The following SLC9A2 variants were observed in gnomAD, a reference collection of about 807,000 sequenced individuals.
SLC9A2 encodes sodium/hydrogen exchanger 2.
In SLC9A2, 42 loss-of-function variants were observed where a neutral mutation model predicts 71.7. The ratio of observed to expected loss-of-function variants is 0.59; its 90% CI spans 0.46 to 0.76. The LOEUF (loss-of-function observed/expected upper bound fraction) is 0.76, where lower values mean the gene tolerates loss of function less well. Among genes scored for constraint, SLC9A2 ranks in the 30% least tolerant of loss-of-function variants. SLC9A2 has a pLI of 0.00. For synonymous variants in SLC9A2, 396 were observed against 392.5 expected (o/e 1.01, Z -0.10); for missense variants, 829 against 1,017.4 (o/e 0.81, Z 2.52).
At position 102,665,216 on chromosome 2, in the gene SLC9A2, C is replaced by A. The variant is rs373377407; in HGVS notation, c.870C>A (p.Ile290=). The part of the protein sequence containing the change: ...VVGIGGVLIG[I]FLGFIAAFTT... ...GAATCGGTGGGGTGCTGATTGGCAT[C>A]TTCTTGGGCTTTATAGCGGCATTTA... The change falls in exon 3 of 12, where the codon ATC becomes ATA. Residue 290 remains isoleucine (I), a synonymous_variant. Coordinates refer to ENST00000233969, the MANE Select transcript of SLC9A2 (RefSeq NM_003048.6). 3.7e-6 allele frequency: 6 copies of A among 1,614,008 alleles called. No individual in the cohort carries two copies. Among genetic ancestry groups the A allele is most frequent in the Non-Finnish European group, 5.1e-6 (6 of 1,180,024 alleles).
At chr2:102,632,521 C>A (rs1401358122) in intron 1 of SLC9A2, among the ~76,000 whole-genome samples, 1 of 152,058 alleles carries the variant, frequency 6.6e-6, no homozygotes, top group Non-Finnish European at 1.5e-5. Flanking sequence ...CTGCAACAGT[C>A]CTGTGCATTG....
chr2:102,676,804 A>G, intron 3 of SLC9A2, among the ~76,000 whole-genome samples: 1 of 152,240 alleles, frequency 6.6e-6, no homozygotes, highest in East Asian at 1.9e-4. Context: ...ATCAATACAG[A>G]AAAAGCTTTT....
At chr2:102,681,232 C>A (rs1376889981) in intron 3 of SLC9A2, among the ~76,000 whole-genome samples, 1 of 152,174 alleles carries the variant, frequency 6.6e-6, no homozygotes, top group African/African-American at 2.4e-5. Context: ...AGGATTAAGT[C>A]TTCCACAGTG....
chr2:102,651,838 T>A (rs1430424276), intron 1 of SLC9A2, among the ~76,000 whole-genome samples: 1 of 152,246 alleles, frequency 6.6e-6, no homozygotes, highest in Admixed American at 6.5e-5. Context: ...TGGCTTCCCC[T>A]TTTTCTCGAT....
At chr2:102,707,157 C>T (rs1238742880) in intron 11 of SLC9A2, among the ~76,000 whole-genome samples, 1 of 152,138 alleles carries the variant, frequency 6.6e-6, no homozygotes, top group Non-Finnish European at 1.5e-5. Context: ...GTACTATGCT[C>T]ACTACTTGGG....
At chr2:102,632,033 T>TACACAC (rs1676367972) in intron 1 of SLC9A2, among the ~76,000 whole-genome samples, 1 of 76,932 alleles carries the variant, frequency 1.3e-5, no homozygotes, top group African/African-American at 6.0e-5. Flanking sequence ...TATATATATA[T>TACACAC]ATATACATAC....
chr2:102,632,027 TATATATATATAC>T (rs1402205725), intron 1 of SLC9A2, among the ~76,000 whole-genome samples: 24 of 76,964 alleles, frequency 3.1e-4, no homozygotes, highest in African/African-American at 1.1e-3. Context: ...TATATATATA[TATATATATATAC>T]ATACACACAC....
At chr2:102,621,705 A>G (rs994370653) in intron 1 of SLC9A2, among the ~76,000 whole-genome samples, 1 of 152,216 alleles carries the variant, frequency 6.6e-6, no homozygotes, top group African/African-American at 2.4e-5. Flanking sequence ...AGAGACGTGT[A>G]CACGCTGTGT....
chr2:102,659,762 A>T (rs1677017190), intron 2 of SLC9A2, among the ~76,000 whole-genome samples: 1 of 152,224 alleles, frequency 6.6e-6, no homozygotes, highest in African/African-American at 2.4e-5. Context: ...GAGACATTTT[A>T]TAACTCATTC....
chr2:102,702,281 A>G, intron 8 of SLC9A2, 125 bp from the exon 9 acceptor site: 1 of 577,710 alleles, frequency 1.7e-6, no homozygotes, highest in South Asian at 2.3e-5. Context: ...TAAGTTATTG[A>G]ATAATCCCTA....
In SLC9A2 at chr2:102,683,339, C is replaced by T. The variant is rs749984520; in HGVS notation, c.1083C>T (p.Tyr361=). The T allele has an allele frequency of 1.9e-6, 3 of 1,613,940 alleles. No homozygotes were observed. The highest frequency in any genetic ancestry group is 2.5e-6 in the Non-Finnish European group (3 of 1,179,902). ...AGAAATCCTACACGACCATCAAGTA[C>T]TTCATGAAGATGCTGAGCAGTGTCA... is the stretch of plus-strand genomic sequence containing the variant. ...VSQKSYTTIK[Y]FMKMLSSVSE... Residue 361 remains tyrosine, a synonymous_variant, in exon 4 of 12, where the codon TAC becomes TAT. Transcript: ENST00000233969.
chr2:102,626,151 A>C lies in SLC9A2; in HGVS notation c.289+6014A>C, dbSNP rs534410592. ...CCAAAGGAACAAAGCTGGAGGCATC[A>C]CGCTACCTGACTTCAAACTATACTG... On this transcript the variant is annotated intron_variant, in intron 1 of 11. Transcript: ENST00000233969. 1.1e-3 allele frequency among the ~76,000 whole-genome samples: 160 copies of C among 152,296 alleles called. 1 individual carries two copies. Among genetic ancestry groups the C allele is most frequent in the African/African-American group, 3.6e-3 (148 of 41,564 alleles).
intron 1 of SLC9A2, among the ~76,000 whole-genome samples, chr2:102,649,403 C>A (rs1676789643): frequency 6.6e-6 from 1 of 152,194 alleles, no homozygotes; most frequent in Non-Finnish European, 1.5e-5. Context: ...CCATTCAGGA[C>A]ATAGGCATGG....
At position 102,619,658 on chromosome 2, in the gene SLC9A2, G is replaced by A. The variant is rs1398687776; in HGVS notation, c.-191G>A. On this transcript the variant is annotated 5_prime_UTR_variant, in exon 1 of 12. Transcript: ENST00000233969. This position sits in a 1 kb window ranked among gnomAD's most constrained non-coding sequence, Gnocchi z 4.3. ...TCGTCGCCCTGCACGTGCCTCGCCA[G>A]GCAGTGCGCCTGCTCGCAGCGAGGA... The A allele has an allele frequency of 1.9e-5, 9 of 471,900 alleles. No individual in the cohort carries two copies. Among genetic ancestry groups the A allele is most frequent in the African/African-American group, 2.0e-5 (1 of 48,974 alleles). 29.2% of individuals were successfully genotyped at this position (471,900 alleles called of 1,614,324 possible). A position where few individuals can be genotyped will look rare whatever the true frequency, so the allele number is the denominator to read the frequency against.
intron 1 of SLC9A2, among the ~76,000 whole-genome samples, chr2:102,637,586 A>G (rs1234275638): frequency 6.6e-6 from 1 of 152,144 alleles, no homozygotes; most frequent in African/African-American, 2.4e-5. Flanking sequence ...AGCTGCCTCC[A>G]GTGAAAAAGA....
At chr2:102,700,146 G>A (rs1306668765) in intron 7 of SLC9A2, among the ~76,000 whole-genome samples, 2 of 152,140 alleles carry the variant, frequency 1.3e-5, no homozygotes, top group African/African-American at 4.8e-5. Context: ...TGAGATGGGA[G>A]GACTCTGGCA....
At chr2:102,692,247 C>T (rs1261269889) in intron 5 of SLC9A2, among the ~76,000 whole-genome samples, 1 of 152,156 alleles carries the variant, frequency 6.6e-6, no homozygotes, top group Non-Finnish European at 1.5e-5. Flanking sequence ...AATCAGTTCA[C>T]ACTTCAGAAA....
intron 8 of SLC9A2, 74 bp from the exon 9 acceptor site, chr2:102,702,332 T>C (rs41280605): frequency 3.5e-4 from 292 of 823,104 alleles, no homozygotes; most frequent in East Asian, 1.9e-3. Context: ...TAAATACTTA[T>C]ATCTCTAAGG....
At chr2:102,670,814 T>G (rs1677234300) in intron 3 of SLC9A2, among the ~76,000 whole-genome samples, 1 of 151,480 alleles carries the variant, frequency 6.6e-6, no homozygotes, top group South Asian at 2.1e-4. Context: ...AATTGTCATC[T>G]GTTTAACACT....
Sources: gnomAD v4.1 joint callset for allele counts (sites outside exome capture counted in the v4.1 genomes callset) on GRCh38, gnomAD v4.1.1 for gene constraint, Gnocchi (gnomAD v3.1) non-coding constraint, MANE v1.5 for transcripts, NCBI Gene and HGNC (gene_info 2026-07-23, HGNC 2026-07-21) for gene names.